The following SSR3 variants were observed in gnomAD, a reference collection of about 807,000 sequenced individuals.
SSR3 encodes translocon-associated protein subunit gamma.
In SSR3, 10 loss-of-function variants were observed where a neutral mutation model predicts 22.1. The ratio of observed to expected loss-of-function variants is 0.45; its 90% CI spans 0.28 to 0.77. The LOEUF is 0.77. SSR3 is among the 30% of genes least tolerant of loss of function. The pLI is 0.13. For missense variants in SSR3, 181 were observed against 220.5 expected (o/e 0.82, Z 1.13); for synonymous variants, 104 against 82.5 (o/e 1.26, Z -1.42).
intron 1 of SSR3, 127 bp downstream of exon 1, chr3:156,554,830 G>A (rs112002847): frequency 3.1e-6 from 4 of 1,274,588 alleles, no homozygotes; most frequent in Non-Finnish European, 4.3e-6. Context: ...CCGAGCTCAG[G>A]GGAGCTGGAG....
intron 2 of SSR3, among the ~76,000 whole-genome samples, chr3:156,549,475 ATTATTT>A (rs907376196): frequency 3.9e-5 from 6 of 152,210 alleles, no homozygotes; most frequent in African/African-American, 1.4e-4. Context: ...TCTTAAAGTA[ATTATTT>A]TAACTTTACT....
chr3:156,551,828 G>T (rs1244596805), intron 2 of SSR3, among the ~76,000 whole-genome samples: 1 of 152,128 alleles, frequency 6.6e-6, no homozygotes, highest in Non-Finnish European at 1.5e-5. Flanking sequence ...GGTAAGAATG[G>T]AAAGGAAGTA....
At chr3:156,548,372 G>A (rs914348015) in intron 3 of SSR3, among the ~76,000 whole-genome samples, 2 of 152,122 alleles carry the variant, frequency 1.3e-5, no homozygotes, top group African/African-American at 4.8e-5. Context: ...GATATCCCTC[G>A]GGAAGCTCAG....
At position 156,540,688 on chromosome 3, in the gene SSR3, AATGTT is replaced by A. The variant is rs1347916249; in HGVS notation, c.*2510_*2514del. ...AAGGAACTAAAAATAGGTAAATGAAAATGTTATAACACTTTAGTGCTATTTATGAG... is the reference window on the plus strand; with the variant it reads ...AAGGAACTAAAAATAGGTAAATGAAAATAACACTTTAGTGCTATTTATGAG... On this transcript the variant is annotated 3_prime_UTR_variant, in exon 5 of 5. Transcript: ENST00000265044. The A allele has an allele frequency of 2.0e-5, 3 of 152,246 alleles. No homozygotes were observed. The East Asian group carries it at 5.8e-4, about 29-fold the overall frequency. The allele number at this position is 152,246 out of a possible 1,614,324, so 9.4% of individuals were successfully genotyped here.
At chr3:156,549,177 G>C (rs868557449) in intron 2 of SSR3, 174 bp from the exon 3 acceptor site, 2 of 525,874 alleles carry the variant, frequency 3.8e-6, no homozygotes, top group East Asian at 3.1e-5. Flanking sequence ...CTAGCCAAAA[G>C]AGAAGTTCGA....
chr3:156,547,037 T>C (rs760720150), intron 3 of SSR3, among the ~76,000 whole-genome samples: 12 of 152,218 alleles, frequency 7.9e-5, no homozygotes, highest in Non-Finnish European at 1.2e-4. Flanking sequence ...TGAGAGGCTC[T>C]GGTCCCAGTT....
chr3:156,547,304 G>A, intron 3 of SSR3, among the ~76,000 whole-genome samples: 1 of 152,096 alleles, frequency 6.6e-6, no homozygotes. Flanking sequence ...AAGATTCCGA[G>A]ACATAACCCA....
At chr3:156,553,806 G>C (rs2292337) in intron 1 of SSR3, 25 bp from the exon 2 acceptor site, 2 of 1,571,422 alleles carry the variant, frequency 1.3e-6, no homozygotes, top group Admixed American at 1.9e-5. Flanking sequence ...AAGGGGGAAG[G>C]GTACAAAAAG....
At chr3:156,551,326 T>C (rs926162335) in intron 2 of SSR3, 2 of 151,978 alleles carry the variant, frequency 1.3e-5, no homozygotes, top group African/African-American at 2.4e-5. Flanking sequence ...AAAAATGTTA[T>C]GAAGAATAAG....
intron 3 of SSR3, among the ~76,000 whole-genome samples, chr3:156,548,374 G>C (rs945809717): frequency 6.6e-6 from 1 of 152,178 alleles, no homozygotes; most frequent in South Asian, 2.1e-4. Flanking sequence ...TATCCCTCGG[G>C]AAGCTCAGGA....
In SSR3 at chr3:156,544,513, A is replaced by G. The variant is rs1408718279; in HGVS notation, c.360-74T>C. The G allele has an allele frequency of 2.4e-6, 3 of 1,246,916 alleles. No individual in the cohort carries two copies. The Admixed American group carries it at 9.6e-5, about 40-fold the overall frequency. The allele number at this position is 1,246,916 out of a possible 1,614,324, so 77.2% of individuals were successfully genotyped here. On this transcript the variant is annotated intron_variant, in intron 3 of 4. Transcript: ENST00000265044. Reference sequence around the variant, plus strand: ...AAACTTTTAAGTACCATATGGCTCTAGTTCATCATAAAACAAGTTTTTCCT... The same window carrying G: ...AAACTTTTAAGTACCATATGGCTCTGGTTCATCATAAAACAAGTTTTTCCT...
In SSR3 at chr3:156,541,639, T is replaced by C. The variant is rs965163234; in HGVS notation, c.*1564A>G. On this transcript the variant is annotated 3_prime_UTR_variant, in exon 5 of 5. Coordinates refer to ENST00000265044, the MANE Select transcript of SSR3 (RefSeq NM_007107.5). The stretch of plus-strand genomic sequence containing the variant: ...ATGTTGGCCAGGAGTTCAAGAAAAG[T>C]TTTTTAAAAATAATAAACCTCTAAA... 6.6e-6 allele frequency: 1 copy of C among 151,966 alleles called. No individual in the cohort carries two copies. Among genetic ancestry groups the C allele is most frequent in the African/African-American group, 2.4e-5 (1 of 41,350 alleles). The allele number at this position is 151,966 out of a possible 1,614,324, so 9.4% of individuals were successfully genotyped here.
Position 156,555,006 on chromosome 3 carries a change from G to C in SSR3, c.84C>G (p.Ser28=). 1 of 1,614,088 alleles carries C rather than the reference G, an allele frequency of 6.2e-7. No homozygotes were observed. The highest frequency in any genetic ancestry group is 8.5e-7 in the Non-Finnish European group (1 of 1,179,962). ...ACGCGTTTCCGAAGAAGAGCGCGGA[G>C]GACTTGGCCGAGAGATTGCGGCTGA... ...QDFSRNLSAK[S]SALFFGNAFI... The change falls in exon 1 of 5, where the codon TCC becomes TCG. Residue 28 remains serine (S), a synonymous_variant. Transcript: ENST00000265044.
In SSR3 at chr3:156,541,616, G is replaced by A. The variant is rs373769173; in HGVS notation, c.*1587C>T. 3.9e-5 allele frequency: 6 copies of A among 152,134 alleles called. No homozygotes were observed. The East Asian group carries it at 9.6e-4, about 24-fold the overall frequency. The allele number at this position is 152,134 out of a possible 1,614,324, so 9.4% of individuals were successfully genotyped here. ...TTTAGTAGAGACGGGGTTTCACCAT[G>A]TTGGCCAGGAGTTCAAGAAAAGTTT... On this transcript the variant is annotated 3_prime_UTR_variant, in exon 5 of 5. Coordinates refer to ENST00000265044, the MANE Select transcript of SSR3 (RefSeq NM_007107.5).
intron 3 of SSR3, among the ~76,000 whole-genome samples, chr3:156,548,307 G>A (rs1719831498): frequency 6.6e-6 from 1 of 152,214 alleles, no homozygotes; most frequent in Non-Finnish European, 1.5e-5. Flanking sequence ...TTGGGCAACA[G>A]GAGAAAAACC....
intron 2 of SSR3, chr3:156,551,499 CAGCT>C (rs948590682): frequency 1.8e-4 from 26 of 148,246 alleles, no homozygotes; most frequent in African/African-American, 6.2e-4. Flanking sequence ...CCTGGAATAG[CAGCT>C]GGTTGAGGGG....
intron 2 of SSR3, among the ~76,000 whole-genome samples, chr3:156,549,899 T>G (rs182974990): frequency 1.0e-3 from 158 of 152,336 alleles, no homozygotes; most frequent in Non-Finnish European, 1.9e-3. Context: ...GGCAGAGAGC[T>G]GTCTTTTTAA....
chr3:156,543,321 T>C (rs1983206), intron 4 of SSR3, 52 bp from the exon 5 acceptor site: 368,471 of 1,494,482 alleles, frequency 0.25, 45,572 homozygotes, highest in Admixed American at 0.26. Flanking sequence ...ATTGGTTTTT[T>C]GAGAAAATAA....
chr3:156,546,595 G>T (rs1719772089), intron 3 of SSR3, among the ~76,000 whole-genome samples: 1 of 152,106 alleles, frequency 6.6e-6, no homozygotes, highest in Admixed American at 6.6e-5. Context: ...TTTTGTTTCT[G>T]TTTTAAATTT....
Sources: allele counts gnomAD v4.1 joint callset (sites outside exome capture counted in the v4.1 genomes callset), GRCh38; gene constraint gnomAD v4.1.1; transcripts MANE v1.5; gene names NCBI Gene and HGNC (gene_info 2026-07-23, HGNC 2026-07-21).